The following CCDC102B variants were observed in gnomAD, a reference collection of about 807,000 sequenced individuals.
CCDC102B encodes the protein coiled-coil domain-containing protein 102B.
CCDC102B carries 75 observed loss-of-function variants against 57.4 expected under a neutral mutation model. The observed-to-expected ratio is 1.31, with a 90% CI of 1.08 to 1.58. The LOEUF is 1.58. Among genes scored for constraint, CCDC102B ranks in the 40% most tolerant of loss-of-function variants. CCDC102B has a pLI of 0.00. For missense variants in CCDC102B, 636 were observed against 582.6 expected, an observed-to-expected ratio of 1.09 and a Z score of -0.94; for synonymous variants, 206 against 201.9, an observed-to-expected ratio of 1.02 and a Z score of -0.17.
rs143551078 is a variant in CCDC102B at position 68,987,952 on chromosome 18, T to G, written c.1264-22982T>G. Among the ~76,000 whole-genome samples, 767 of 152,296 alleles carry G rather than the reference T, an allele frequency of 5.0e-3. 11 individuals are homozygous for G. The highest frequency in any genetic ancestry group is 0.018 in the African/African-American group (738 of 41,560). ...TGCTCATACACTGTTGGCAGGAATG[T>G]AAATTAGTTCAGCCGCTGTGGAAAG... On this transcript the variant is annotated intron_variant, in intron 6 of 7. Coordinates refer to ENST00000360242, the MANE Select transcript of CCDC102B (RefSeq NM_024781.3).
intron 2 of CCDC102B, among the ~76,000 whole-genome samples, chr18:68,777,297 T>C (rs879606652): frequency 2.6e-5 from 4 of 152,180 alleles, no homozygotes; most frequent in African/African-American, 9.7e-5. Flanking sequence ...TCTCAAGTTA[T>C]AGTTATTTTG....
chr18:68,767,336 T>C (rs1273404118), intron 2 of CCDC102B, among the ~76,000 whole-genome samples: 1 of 152,196 alleles, frequency 6.6e-6, no homozygotes, highest in African/African-American at 2.4e-5. Flanking sequence ...TTAGTGCCAT[T>C]TTAAGAGGAA....
intron 7 of CCDC102B, among the ~76,000 whole-genome samples, chr18:69,037,409 A>G (rs1011210107): frequency 6.6e-6 from 1 of 152,048 alleles, no homozygotes; most frequent in Non-Finnish European, 1.5e-5. Context: ...AGGATAAAGG[A>G]CAACAAGAGG....
chr18:69,014,203 G>A (rs1447351120), intron 7 of CCDC102B, among the ~76,000 whole-genome samples: 1 of 152,182 alleles, frequency 6.6e-6, no homozygotes, highest in African/African-American at 2.4e-5. Flanking sequence ...TGAGCTTCTA[G>A]TCTGGGCTAA....
In CCDC102B at chr18:69,020,915, T is replaced by C. The variant is rs1407616110; in HGVS notation, c.1434+9811T>C. 2.0e-5 allele frequency among the ~76,000 whole-genome samples: 3 copies of C among 152,096 alleles called. No individual in the cohort carries two copies. The East Asian group carries it at 5.8e-4, about 29-fold the overall frequency. On this transcript the variant is annotated intron_variant, in intron 7 of 7. Coordinates refer to ENST00000360242, the MANE Select transcript of CCDC102B (RefSeq NM_024781.3). ...TGAGATAAATTCAAACAATGAAAAA[T>C]AAACATGGGAAACATAAGATACAAG... is the stretch of plus-strand genomic sequence containing the variant.
At chr18:68,949,007 G>A (rs977754456) in intron 6 of CCDC102B, among the ~76,000 whole-genome samples, 1 of 152,114 alleles carries the variant, frequency 6.6e-6, no homozygotes, top group Non-Finnish European at 1.5e-5. Flanking sequence ...GAAGAACTTG[G>A]AATCTGTTGT....
intron 6 of CCDC102B, among the ~76,000 whole-genome samples, chr18:68,956,459 TTTTATATATATA>T (rs1243281179): frequency 1.5e-3 from 13 of 8,404 alleles, no homozygotes; most frequent in African/African-American, 7.3e-3. Context: ...ATATTATATA[TTTTATATATATA>T]TTATATATAT....
chr18:68,973,337 A>C (rs2050349205), intron 6 of CCDC102B, among the ~76,000 whole-genome samples: 1 of 152,126 alleles, frequency 6.6e-6, no homozygotes, highest in South Asian at 2.1e-4. Flanking sequence ...AAATGTATAA[A>C]TCACATAGTC....
chr18:68,750,126 T>C (rs1426643891), intron 2 of CCDC102B, among the ~76,000 whole-genome samples: 1 of 152,170 alleles, frequency 6.6e-6, no homozygotes, highest in Non-Finnish European at 1.5e-5. Flanking sequence ...GCAAAGGATA[T>C]GAACAGACAC....
At chr18:68,904,946 G>C (rs2040573937) in intron 6 of CCDC102B, among the ~76,000 whole-genome samples, 1 of 152,014 alleles carries the variant, frequency 6.6e-6, no homozygotes, top group South Asian at 2.1e-4. Context: ...ACTAAATATA[G>C]TGTTTGGCAC....
At chr18:68,753,678 A>C (rs570676973) in intron 2 of CCDC102B, 1 of 152,130 alleles carries the variant, frequency 6.6e-6, no homozygotes, top group Admixed American at 6.6e-5. Context: ...CTACCTCCAG[A>C]ATAGCTAGGA....
At chr18:68,733,193 G>A (rs1240844538) in intron 2 of CCDC102B, among the ~76,000 whole-genome samples, 2 of 151,946 alleles carry the variant, frequency 1.3e-5, no homozygotes, top group Non-Finnish European at 2.9e-5. Flanking sequence ...ATAGTACCAA[G>A]GACTGATGCC....
At chr18:68,733,478 T>TTTTATATATATA (rs1555695149) in intron 2 of CCDC102B, among the ~76,000 whole-genome samples, 1 of 25,132 alleles carries the variant, frequency 4.0e-5, no homozygotes, top group Non-Finnish European at 8.6e-5. Context: ...TTAGACAACT[T>TTTTATATATATA]TATATATATA....
intron 6 of CCDC102B, among the ~76,000 whole-genome samples, chr18:68,911,633 T>A (rs1366464366): frequency 1.4e-5 from 2 of 148,134 alleles, no homozygotes; most frequent in Non-Finnish European, 3.0e-5. Flanking sequence ...GCGCCTGTAG[T>A]CCCAGCTACT....
chr18:68,830,706 T>TCAAAA (rs1192647966), intron 1 of CCDC102B, among the ~76,000 whole-genome samples: 3 of 146,944 alleles, frequency 2.0e-5, no homozygotes, highest in Non-Finnish European at 4.4e-5. Context: ...ACATAATCTC[T>TCAAAA]TTAAGTCTCA....
At chr18:69,001,021 T>A (rs2051186575) in intron 6 of CCDC102B, among the ~76,000 whole-genome samples, 1 of 152,140 alleles carries the variant, frequency 6.6e-6, no homozygotes, top group South Asian at 2.1e-4. Context: ...CATGGCCATG[T>A]GAGGCAAGCC....
intron 2 of CCDC102B, among the ~76,000 whole-genome samples, chr18:68,724,247 T>G (rs1333071724): frequency 6.6e-6 from 1 of 152,198 alleles, no homozygotes; most frequent in Admixed American, 6.5e-5. Context: ...CCTAGGCCTC[T>G]GGGCCTCTGA....
intron 2 of CCDC102B, among the ~76,000 whole-genome samples, chr18:68,736,411 C>T (rs1478750073): frequency 6.6e-6 from 1 of 152,188 alleles, no homozygotes; most frequent in African/African-American, 2.4e-5. Flanking sequence ...TGAGTATGAG[C>T]TAACGTAAGA....
chr18:68,875,766 G>A (rs2039419374), intron 5 of CCDC102B, among the ~76,000 whole-genome samples: 1 of 152,056 alleles, frequency 6.6e-6, no homozygotes, highest in South Asian at 2.1e-4. Context: ...CATGAAACAG[G>A]ATTTTGGAAA....
Sources: allele counts gnomAD v4.1 joint callset (sites outside exome capture counted in the v4.1 genomes callset), GRCh38; gene constraint gnomAD v4.1.1; transcripts MANE v1.5; gene names NCBI Gene and HGNC (gene_info 2026-07-23, HGNC 2026-07-21).